Variants in ATG2B observed in about 807,000 individuals in gnomAD.
ATG2B encodes the protein autophagy-related protein 2 homolog B.
ATG2B carries 121 observed loss-of-function variants against 241.3 expected under a neutral mutation model. The observed-to-expected ratio is 0.50, with a 90% confidence interval of 0.43 to 0.58. ATG2B has a LOEUF of 0.58. Ranked by LOEUF, ATG2B falls within the 20% of genes least tolerant of loss-of-function variation. The pLI, the probability that ATG2B is intolerant of heterozygous loss-of-function variation, is 0.00. For synonymous variants in ATG2B, 858 were observed against 876.6 expected, an observed-to-expected ratio of 0.98 and a Z score of 0.37; for missense variants, 2,306 against 2,491.6, an observed-to-expected ratio of 0.93 and a Z score of 1.59.
Position 96,347,283 on chromosome 14 carries a change from A to G in ATG2B, c.221T>C (p.Ile74Thr). 6.2e-7 allele frequency: 1 copy of G among 1,611,654 alleles called. No homozygotes were observed. Among genetic ancestry groups the G allele is most frequent in the Non-Finnish European group, 8.5e-7 (1 of 1,178,050 alleles). Reference sequence around the variant, plus strand: ...TGGAACTGACAGGGAAATTGACTGAATGAATCCTTCAGTGACTTCTAAGGG... The same window carrying G: ...TGGAACTGACAGGGAAATTGACTGAGTGAATCCTTCAGTGACTTCTAAGGG... ...DAPLEVTEGF[I>T]QSISLSVPWG... Residue 74 changes from isoleucine (I) to threonine (T), a missense_variant, in exon 2 of 42, where the codon ATT (isoleucine) becomes ACT (threonine). Ile to Thr is a moderately conservative substitution (Grantham distance 89, BLOSUM62 -1). Coordinates refer to ENST00000359933, the MANE Select transcript of ATG2B (RefSeq NM_018036.7).
chr14:96,344,839 T>C, intron 3 of ATG2B, 83 bp from the exon 4 acceptor site: 1 of 558,624 alleles, frequency 1.8e-6, no homozygotes, highest in Non-Finnish European at 3.0e-6. Flanking sequence ...AAGTACTAGT[T>C]TGATAAGAAC....
Position 96,314,532 on chromosome 14 carries a change from T to C in ATG2B, c.3642+622A>G, listed in dbSNP as rs141673351. Among the ~76,000 whole-genome samples the C allele has an allele frequency of 2.7e-3, 414 of 152,342 alleles. 2 individuals carry two copies. Among genetic ancestry groups the C allele is most frequent in the African/African-American group, 9.7e-3 (403 of 41,584 alleles). ...TTCAACACACCATTCACTGCTCCTC[T>C]ACGCCAGACATTCTACAAGTCCTGG... On this transcript the variant is annotated intron_variant, in intron 23 of 41. Transcript: ENST00000359933.
intron 6 of ATG2B, among the ~76,000 whole-genome samples, chr14:96,337,122 A>C (rs529738867): frequency 1.1e-4 from 16 of 152,258 alleles, no homozygotes; most frequent in Non-Finnish European, 1.5e-4. Context: ...TGTATCTTTT[A>C]CCAAGGCAAA....
chr14:96,332,369 T>C lies in ATG2B; in HGVS notation c.1404A>G (p.Glu468=). ...GAAATGTTGACCCTCTTACTGGCTGTTCTTTATGATGATCAAGGAACTCTC... is the reference window on the plus strand; with the variant it reads ...GAAATGTTGACCCTCTTACTGGCTGCTCTTTATGATGATCAAGGAACTCTC... ...TWGEFLDHHK[E]QPVRGSTFPS... Residue 468 remains glutamate (E), a synonymous_variant, in exon 10 of 42, where the codon GAA becomes GAG. Coordinates refer to ENST00000359933, the MANE Select transcript of ATG2B (RefSeq NM_018036.7). 6.2e-7 allele frequency: 1 copy of C among 1,613,472 alleles called. No individual in the cohort carries two copies. The highest frequency in any genetic ancestry group is 1.1e-5 in the South Asian group (1 of 91,070).
intron 34 of ATG2B, among the ~76,000 whole-genome samples, chr14:96,300,560 C>T (rs902359842): frequency 6.6e-6 from 1 of 152,064 alleles, no homozygotes; most frequent in Non-Finnish European, 1.5e-5. Context: ...TGCTAAGTTT[C>T]GTAAAGTCAT....
At chr14:96,295,977 C>T (rs1189547312) in intron 34 of ATG2B, among the ~76,000 whole-genome samples, 10 of 151,928 alleles carry the variant, frequency 6.6e-5, no homozygotes, top group African/African-American at 9.7e-5. Flanking sequence ...TTTTTTGAGA[C>T]GGAGTCTCGC....
intron 1 of ATG2B, among the ~76,000 whole-genome samples, chr14:96,350,499 C>T (rs1888285463): frequency 6.6e-6 from 1 of 152,182 alleles, no homozygotes; most frequent in African/African-American, 2.4e-5. Flanking sequence ...ATCCCATTAA[C>T]TGCAATTTCA....
Position 96,290,958 on chromosome 14 carries a change from T to C in ATG2B, c.5580-23A>G. 1 of 1,592,726 alleles carries C rather than the reference T, an allele frequency of 6.3e-7. No individual in the cohort carries two copies. The highest frequency in any genetic ancestry group is 1.1e-5 in the South Asian group (1 of 87,074). On this transcript the variant is annotated intron_variant, in intron 38 of 41. Transcript: ENST00000359933. The surrounding 1 kb of genome is among the most constrained non-coding windows in gnomAD (Gnocchi z 4.4). ...AAACTAGAGCAAATGATTATTAGTATGTCAAAAGGAGAAATACATTTATAG... is the reference window on the plus strand; with the variant it reads ...AAACTAGAGCAAATGATTATTAGTACGTCAAAAGGAGAAATACATTTATAG...
intron 6 of ATG2B, among the ~76,000 whole-genome samples, chr14:96,340,615 TTAAAAA>T (rs1173016432): frequency 6.6e-6 from 1 of 152,004 alleles, no homozygotes; most frequent in Non-Finnish European, 1.5e-5. Context: ...TAACTTACAC[TTAAAAA>T]TAGTAAAGGG....
At chr14:96,291,023 ATTCT>A in intron 38 of ATG2B, 88 bp from the exon 39 acceptor site, 1 of 1,216,980 alleles carries the variant, frequency 8.2e-7, no homozygotes, top group Non-Finnish European at 1.1e-6. Flanking sequence ...CTTAAAACAA[ATTCT>A]ACAAATTATA....
At chr14:96,348,848 G>A (rs747143385) in intron 1 of ATG2B, among the ~76,000 whole-genome samples, 3 of 152,122 alleles carry the variant, frequency 2.0e-5, no homozygotes, top group Non-Finnish European at 2.9e-5. Flanking sequence ...ATTAGGCATT[G>A]TATGCCTGTG....
At chr14:96,315,312 TATG>T in intron 22 of ATG2B, 69 bp downstream of exon 22, 1 of 1,583,170 alleles carries the variant, frequency 6.3e-7, no homozygotes, top group Non-Finnish European at 8.7e-7. Flanking sequence ...AGAAAATAAA[TATG>T]TTGCCTTTTA....
intron 41 of ATG2B, among the ~76,000 whole-genome samples, chr14:96,286,435 G>A (rs1886337634): frequency 6.6e-6 from 1 of 151,856 alleles, no homozygotes. Flanking sequence ...CTATGTATTA[G>A]GAAAAAAATG....
At position 96,282,556 on chromosome 14, in the gene ATG2B, G is replaced by A. The variant is rs569128626; in HGVS notation, c.*3199C>T. 7 of 152,374 alleles carry A rather than the reference G, an allele frequency of 4.6e-5. No homozygotes were observed. The East Asian group carries it at 1.3e-3, about 29-fold the overall frequency. The allele number at this position is 152,374 out of a possible 1,614,324, so 9.4% of individuals were successfully genotyped here. On this transcript the variant is annotated 3_prime_UTR_variant, in exon 42 of 42. Coordinates refer to ENST00000359933, the MANE Select transcript of ATG2B (RefSeq NM_018036.7). ...TTACACATTGAAAATCTGAGTTAATGTTAAGACAATGATTAGTCAATCCTG... is the reference window on the plus strand; with the variant it reads ...TTACACATTGAAAATCTGAGTTAATATTAAGACAATGATTAGTCAATCCTG...
At chr14:96,362,787 C>T in intron 1 of ATG2B, 28 bp downstream of exon 1, 4 of 1,583,840 alleles carry the variant, frequency 2.5e-6, no homozygotes, top group Non-Finnish European at 3.4e-6. Flanking sequence ...GAGCGAGCCC[C>T]GCCCGGCTCG....
intron 18 of ATG2B, among the ~76,000 whole-genome samples, chr14:96,319,929 A>T (rs1343628318): frequency 6.6e-6 from 1 of 152,158 alleles, no homozygotes; most frequent in Non-Finnish European, 1.5e-5. Flanking sequence ...TAGATATGAG[A>T]TTTATATGAT....
intron 18 of ATG2B, among the ~76,000 whole-genome samples, chr14:96,321,152 A>G (rs948330098): frequency 6.6e-6 from 1 of 152,162 alleles, no homozygotes; most frequent in African/African-American, 2.4e-5. Flanking sequence ...TCTAAGAGCA[A>G]AAGTCAATAG....
chr14:96,338,874 A>G (rs1352838798), intron 6 of ATG2B, among the ~76,000 whole-genome samples: 1 of 152,218 alleles, frequency 6.6e-6, no homozygotes, highest in Admixed American at 6.5e-5. Flanking sequence ...AAATATTTGT[A>G]AACTATGCAT....
intron 23 of ATG2B, among the ~76,000 whole-genome samples, chr14:96,314,788 C>T (rs1023646955): frequency 6.6e-6 from 1 of 152,264 alleles, no homozygotes; most frequent in East Asian, 1.9e-4. Context: ...GCAACCTCCG[C>T]CTCCCGGGTT....
Sources: gnomAD v4.1 joint callset for allele counts (sites outside exome capture counted in the v4.1 genomes callset) on GRCh38, gnomAD v4.1.1 for gene constraint, Gnocchi (gnomAD v3.1) non-coding constraint, MANE v1.5 for transcripts, NCBI Gene and HGNC (gene_info 2026-07-23, HGNC 2026-07-21) for gene names.